ABHD17A: variants seen among roughly 807,000 people sequenced by gnomAD.
ABHD17A encodes the protein abhydrolase domain containing 17A, depalmitoylase.
ABHD17A carries 10 observed loss-of-function variants against 26.8 expected under a neutral mutation model. That is an observed-to-expected ratio of 0.37 (90% CI 0.23 to 0.63). The LOEUF (loss-of-function observed/expected upper bound fraction) is 0.63. Among genes scored for constraint, ABHD17A ranks in the 30% least tolerant of loss-of-function variants. The pLI is 0.61. For missense variants in ABHD17A, 292 were observed against 457.3 expected (o/e 0.64, Z 3.30); for synonymous variants, 167 against 210.9 (o/e 0.79, Z 1.80).
chr19:1,879,920 C>A lies in ABHD17A; in HGVS notation c.527+1G>T. 6.2e-7 allele frequency: 1 copy of A among 1,604,348 alleles called. No homozygotes were observed. Among genetic ancestry groups the A allele is most frequent in the East Asian group, 2.2e-5 (1 of 44,582 alleles). Reference sequence around the variant, plus strand: ...TGAGCTGCCCCCAGGGTCGCCCTCACCTGGTGCGCAGGGCCTGCCAGGCGG... The same window carrying A: ...TGAGCTGCCCCCAGGGTCGCCCTCAACTGGTGCGCAGGGCCTGCCAGGCGG... On this transcript the variant is annotated splice_donor_variant, in intron 3 of 4. Coordinates refer to ENST00000292577, the MANE Select transcript of ABHD17A (RefSeq NM_001130111.2). LOFTEE classifies it high-confidence loss of function. The surrounding 1 kb of genome is among the most constrained non-coding windows in gnomAD (Gnocchi z 7.6).
Position 1,881,374 on chromosome 19 carries a change from G to C in ABHD17A, c.193C>G (p.Arg65Gly). 6.2e-7 allele frequency: 1 copy of C among 1,606,708 alleles called. No homozygotes were observed. The highest frequency in any genetic ancestry group is 8.5e-7 in the Non-Finnish European group (1 of 1,179,290). ...TLRASSGAPGRWKLHLTERAD... is the reference protein window; with the variant it reads ...TLRASSGAPGGWKLHLTERAD... ...CGCTCCGTCAGGTGCAGCTTCCAGC[G>C]CCCGGGTGCGCCCGAGGAGGCTCTC... Residue 65 changes from arginine to glycine, a missense_variant, in exon 2 of 5, where the codon CGC becomes GGC. Arg to Gly is a moderately radical substitution (Grantham distance 125, BLOSUM62 -2). Around this residue, in one of 4 missense-constraint regions of ABHD17A, gnomAD observed 171 missense variants for 216.1 expected, o/e 0.79. Transcript: ENST00000292577.
Position 1,881,648 on chromosome 19 carries a change from G to C in ABHD17A, c.-82C>G, listed in dbSNP as rs2012539520. On this transcript the variant is annotated 5_prime_UTR_variant, in exon 2 of 5. Coordinates refer to ENST00000292577, the MANE Select transcript of ABHD17A (RefSeq NM_001130111.2). ...GCCTGGCCCGGCAGGGGAGGGGTGG[G>C]GGTGCTCCGAGTCGCGGGCAGGGGG... 7 of 1,410,072 alleles carry C rather than the reference G, an allele frequency of 5.0e-6. No homozygotes were observed. In the African/African-American group the frequency reaches 9.1e-5, roughly 18 times the overall value. The allele number at this position is 1,410,072 out of a possible 1,614,324, so 87.3% of individuals were successfully genotyped here. A position where few individuals can be genotyped will look rare whatever the true frequency, so the allele number is the denominator to read the frequency against.
rs773887541 is a variant in ABHD17A, at chr19:1,877,472, C to A, written c.707+36G>T. The A allele has an allele frequency of 5.1e-6, 8 of 1,576,160 alleles. 1 individual carries two copies. In the Admixed American group the frequency reaches 1.4e-4, roughly 28 times the overall value. On this transcript the variant is annotated intron_variant, in intron 4 of 4. Coordinates refer to ENST00000292577, the MANE Select transcript of ABHD17A (RefSeq NM_001130111.2). Reference sequence around the variant, plus strand: ...GGTGAGACTTCGCGCCCGGCCCGGGCCCCGCCCCGCCCCCGTCCCCGCCCG... The same window carrying A: ...GGTGAGACTTCGCGCCCGGCCCGGGACCCGCCCCGCCCCCGTCCCCGCCCG...
rs1212941629 is a variant in ABHD17A, at chr19:1,877,019, T to C, written c.*181A>G. The C allele has an allele frequency of 4.4e-5, 23 of 524,562 alleles. No homozygotes were observed. The highest frequency in any genetic ancestry group is 3.3e-6 in the Non-Finnish European group (1 of 300,472). 32.5% of individuals were successfully genotyped at this position (524,562 alleles called of 1,614,324 possible). A position where few individuals can be genotyped will look rare whatever the true frequency, so the allele number is the denominator to read the frequency against. On this transcript the variant is annotated 3_prime_UTR_variant, in exon 5 of 5. Transcript: ENST00000292577. ...ATTTCCGTTTTCACGTATTTTCTTC[T>C]TGCTTCCAAAAGGAAAGGAGTGCGT...
Position 1,880,906 on chromosome 19 carries a change from G to A in ABHD17A, c.332+329C>T, listed in dbSNP as rs1215288274. On this transcript the variant is annotated intron_variant, in intron 2 of 4. Coordinates refer to ENST00000292577, the MANE Select transcript of ABHD17A (RefSeq NM_001130111.2). This position sits in a 1 kb window ranked among gnomAD's most constrained non-coding sequence, Gnocchi z 4.1. The stretch of plus-strand genomic sequence containing the variant: ...TGGTCAGAACCCCACCTGGCGAGAA[G>A]GTGGATGTACCCGCAGGCCAGGGCA... 1 of 1,613,116 alleles carries A rather than the reference G, an allele frequency of 6.2e-7. No homozygotes were observed. Among genetic ancestry groups the A allele is most frequent in the South Asian group, 1.1e-5 (1 of 91,084 alleles).
Position 1,879,868 on chromosome 19 carries a change from C to G in ABHD17A, c.527+53G>C. The G allele has an allele frequency of 1.3e-6, 2 of 1,523,334 alleles. No individual in the cohort carries two copies. The highest frequency in any genetic ancestry group is 1.8e-6 in the Non-Finnish European group (2 of 1,133,102). 94.4% of individuals were successfully genotyped at this position (1,523,334 alleles called of 1,614,324 possible). A position where few individuals can be genotyped will look rare whatever the true frequency, so the allele number is the denominator to read the frequency against. Reference sequence around the variant, plus strand: ...GGAAGCCCGCCCCCCGGCCCCCCGCCTGGTCCCCTCTTGGGTGTGCCCAGG... The same window carrying G: ...GGAAGCCCGCCCCCCGGCCCCCCGCGTGGTCCCCTCTTGGGTGTGCCCAGG... On this transcript the variant is annotated intron_variant, in intron 3 of 4. Transcript: ENST00000292577. The surrounding 1 kb of genome is among the most constrained non-coding windows in gnomAD (Gnocchi z 7.6).
intron 1 of ABHD17A, 131 bp from the exon 2 acceptor site, chr19:1,881,935 G>A (rs552406603): frequency 3.0e-5 from 7 of 232,122 alleles, no homozygotes; most frequent in East Asian, 1.2e-4. Flanking sequence ...CCATCCCCTC[G>A]GCCCTCCCCA....
At chr19:1,883,815 GCCGCT>G (rs2012604975) in intron 1 of ABHD17A, 1 of 152,482 alleles carries the variant, frequency 6.6e-6, no homozygotes, top group Non-Finnish European at 1.5e-5. Context: ...ATGCAATGGA[GCCGCT>G]TCCCTCTTGG....
At position 1,880,142 on chromosome 19, in the gene ABHD17A, A is replaced by G; in HGVS notation, c.333-27T>C. On this transcript the variant is annotated intron_variant, in intron 2 of 4. Transcript: ENST00000292577. The surrounding 1 kb of genome is among the most constrained non-coding windows in gnomAD (Gnocchi z 4.1). ...TGGGACAGGCCGAGAAGGGCCGTTC[A>G]CATCCTCGCTCCCAGCGCCCAGCTG... 6.2e-7 allele frequency: 1 copy of G among 1,611,090 alleles called. No homozygotes were observed. Among genetic ancestry groups the G allele is most frequent in the South Asian group, 1.1e-5 (1 of 90,986 alleles).
chr19:1,880,852 G>C lies in ABHD17A; in HGVS notation c.332+383C>G. The C allele has an allele frequency of 6.2e-7, 1 of 1,609,918 alleles. No homozygotes were observed. Among genetic ancestry groups the C allele is most frequent in the Non-Finnish European group, 8.5e-7 (1 of 1,177,928 alleles). ...AGGCCCCCACCTAGCCCAGCCAGAA[G>C]GTAAAGGCTCGCCCTCTGGACTCAG... On this transcript the variant is annotated intron_variant, in intron 2 of 4. Coordinates refer to ENST00000292577, the MANE Select transcript of ABHD17A (RefSeq NM_001130111.2). The surrounding 1 kb of genome is among the most constrained non-coding windows in gnomAD (Gnocchi z 4.1).
intron 1 of ABHD17A, chr19:1,882,473 C>T (rs950774994): frequency 6.6e-6 from 1 of 152,216 alleles, no homozygotes; most frequent in African/African-American, 2.4e-5. Flanking sequence ...GGGAGGTGGG[C>T]TGGCGTCAGG....
At chr19:1,878,876 C>T in intron 3 of ABHD17A, 1 of 152,284 alleles carries the variant, frequency 6.6e-6, no homozygotes. Flanking sequence ...ACGCTCTGGC[C>T]TCCCCCTCAC....
Position 1,881,332 on chromosome 19 carries a change from T to G in ABHD17A, c.235A>C (p.Ser79Arg). 1 of 1,610,504 alleles carries G rather than the reference T, an allele frequency of 6.2e-7. No homozygotes were observed. Among genetic ancestry groups the G allele is most frequent in the Non-Finnish European group, 8.5e-7 (1 of 1,179,664 alleles). Residue 79 changes from serine (S) to arginine (R), a missense_variant, in exon 2 of 5, where the codon AGC becomes CGC. Ser to Arg is a moderately radical substitution (Grantham distance 110). This residue lies in a region of ABHD17A where 171 missense variants were observed against 216.1 expected (regional missense o/e 0.79). Coordinates refer to ENST00000292577, the MANE Select transcript of ABHD17A (RefSeq NM_001130111.2). The part of the protein sequence containing the change: ...HLTERADFQY[S>R]QRELDTIEVF... ...TCGATGGTGTCCAGCTCGCGCTGGC[T>G]GTACTGGAAGTCGGCACGCTCCGTC...
rs749569698 is a variant in ABHD17A at position 1,877,173 on chromosome 19, C to T, written c.*27G>A. Reference sequence around the variant, plus strand: ...GTGAGGTCCGGGGGCCGCCTTATTGCTGAGGTCCGGCCGGTTGGGGCCGCC... The same window carrying T: ...GTGAGGTCCGGGGGCCGCCTTATTGTTGAGGTCCGGCCGGTTGGGGCCGCC... On this transcript the variant is annotated 3_prime_UTR_variant, in exon 5 of 5. Transcript: ENST00000292577. 38 of 1,280,850 alleles carry T rather than the reference C, an allele frequency of 3.0e-5. 1 individual carries two copies. In the South Asian group the frequency reaches 4.7e-4, roughly 16 times the overall value. 79.3% of individuals were successfully genotyped at this position (1,280,850 alleles called of 1,614,324 possible).
At chr19:1,877,993 C>T (rs951313201) in intron 3 of ABHD17A, 4 of 412,500 alleles carry the variant, frequency 9.7e-6, no homozygotes, top group Middle Eastern at 6.8e-4. Context: ...GAGGCCCTGG[C>T]GCCTCTCCTC....
Position 1,881,173 on chromosome 19 carries a change from A to G in ABHD17A, c.332+62T>C, listed in dbSNP as rs2012514543. 5.6e-6 allele frequency: 9 copies of G among 1,598,580 alleles called. No homozygotes were observed. In the South Asian group the frequency reaches 7.9e-5, roughly 14 times the overall value. ...CACCACCAACCACACCAAGCACCGC[A>G]GGCAGAAACGGGAGCCCCAAGAACA... On this transcript the variant is annotated intron_variant, in intron 2 of 4. Coordinates refer to ENST00000292577, the MANE Select transcript of ABHD17A (RefSeq NM_001130111.2).
rs1381221100 is a variant in ABHD17A, at chr19:1,879,720, C to T, written c.527+201G>A. 8 of 594,482 alleles carry T rather than the reference C, an allele frequency of 1.3e-5. No homozygotes were observed. Among genetic ancestry groups the T allele is most frequent in the South Asian group, 7.9e-5 (4 of 50,596 alleles). 36.8% of individuals were successfully genotyped at this position (594,482 alleles called of 1,614,324 possible). A position where few individuals can be genotyped will look rare whatever the true frequency, so the allele number is the denominator to read the frequency against. ...TCCACAGGCCAGGGTGTGGGAGGAC[C>T]GCCTGGCCACACCTCAGCCATGTGG... On this transcript the variant is annotated intron_variant, in intron 3 of 4. Transcript: ENST00000292577. The surrounding 1 kb of genome is among the most constrained non-coding windows in gnomAD (Gnocchi z 7.6).
chr19:1,881,017 G>A (rs777875875), intron 2 of ABHD17A: 3 of 1,611,382 alleles, frequency 1.9e-6, no homozygotes, highest in East Asian at 2.2e-5. Flanking sequence ...CATGCCAGCT[G>A]GGGATGGCCT....
chr19:1,885,186 C>G (rs1053838006), intron 1 of ABHD17A, among the ~76,000 whole-genome samples, 166 bp downstream of exon 1: 7 of 152,116 alleles, frequency 4.6e-5, no homozygotes, highest in African/African-American at 1.7e-4. Flanking sequence ...CAATCACAGA[C>G]GCTCATCCGC....
Sources: gnomAD v4.1 joint callset for allele counts (sites outside exome capture counted in the v4.1 genomes callset) on GRCh38, gnomAD v4.1.1 for gene constraint, gnomAD v4.1.1 regional missense constraint, Gnocchi (gnomAD v3.1) non-coding constraint, MANE v1.5 for transcripts, NCBI Gene and HGNC (gene_info 2026-07-23, HGNC 2026-07-21) for gene names.